The following ADK variants were observed in gnomAD, a reference collection of about 807,000 sequenced individuals.
ADK encodes the protein adenosine kinase.
Under a neutral mutation model 44.7 loss-of-function variants are expected in ADK, and 24 were observed. That is an observed-to-expected ratio of 0.54 (90% CI 0.39 to 0.76). ADK has a LOEUF of 0.76. Among genes scored for constraint, ADK ranks in the 30% least tolerant of loss-of-function variants. ADK has a pLI of 0.00. For missense variants in ADK, 321 were observed against 425.1 expected, an observed-to-expected ratio of 0.76 and a Z score of 2.15; for synonymous variants, 128 against 142.6, an observed-to-expected ratio of 0.90 and a Z score of 0.73.
chr10:74,231,046 A>G (rs1844742519), intron 3 of ADK, among the ~76,000 whole-genome samples: 1 of 152,136 alleles, frequency 6.6e-6, no homozygotes, highest in African/African-American at 2.4e-5. Flanking sequence ...GATCACAGAG[A>G]ACTCATTAGT....
At chr10:74,628,435 G>C (rs886769414) in intron 9 of ADK, among the ~76,000 whole-genome samples, 2 of 151,778 alleles carry the variant, frequency 1.3e-5, no homozygotes, top group Non-Finnish European at 2.9e-5. Context: ...TGCTTTGGTT[G>C]AATAGGAAAG....
chr10:74,691,693 A>C (rs1247262363), intron 10 of ADK, among the ~76,000 whole-genome samples: 1 of 85,254 alleles, frequency 1.2e-5, no homozygotes, highest in East Asian at 3.5e-4. Flanking sequence ...ACATACAACA[A>C]AGTAAGTTGA....
intron 7 of ADK, among the ~76,000 whole-genome samples, chr10:74,547,113 A>G (rs1199430176): frequency 6.6e-6 from 1 of 152,164 alleles, no homozygotes; most frequent in Non-Finnish European, 1.5e-5. Flanking sequence ...TTATAAGAAG[A>G]GTACAGAGTT....
chr10:74,401,149 T>A (rs1843693598), intron 6 of ADK, among the ~76,000 whole-genome samples: 1 of 152,242 alleles, frequency 6.6e-6, no homozygotes, highest in Non-Finnish European at 1.5e-5. Flanking sequence ...CTACTGGCTA[T>A]GGTGACTAGG....
intron 6 of ADK, among the ~76,000 whole-genome samples, chr10:74,488,385 G>C (rs1485485534): frequency 6.6e-6 from 1 of 150,966 alleles, no homozygotes; most frequent in Non-Finnish European, 1.5e-5. Flanking sequence ...GTGTGTGTGT[G>C]TGTGTGTGTG....
At chr10:74,321,967 C>T (rs1422250307) in intron 4 of ADK, among the ~76,000 whole-genome samples, 1 of 151,988 alleles carries the variant, frequency 6.6e-6, no homozygotes, top group Non-Finnish European at 1.5e-5. Flanking sequence ...CAAGAACTAC[C>T]AATTAGTGTA....
intron 3 of ADK, among the ~76,000 whole-genome samples, chr10:74,284,619 A>G (rs1847089319): frequency 1.3e-5 from 2 of 152,142 alleles, no homozygotes; most frequent in Non-Finnish European, 2.9e-5. Context: ...TGTTTCTTCT[A>G]TCCCAACAGC....
At chr10:74,380,142 T>A (rs1465711736) in intron 4 of ADK, among the ~76,000 whole-genome samples, 2 of 152,240 alleles carry the variant, frequency 1.3e-5, no homozygotes, top group Non-Finnish European at 2.9e-5. Flanking sequence ...GTAATGTTTT[T>A]GTTTGCTATG....
chr10:74,385,142 T>C (rs921941154), intron 4 of ADK, among the ~76,000 whole-genome samples: 11 of 152,222 alleles, frequency 7.2e-5, no homozygotes, highest in Non-Finnish European at 1.5e-4. Context: ...AACTGAATTG[T>C]ATATTTTAAA....
At chr10:74,386,868 T>C (rs1480580637) in intron 4 of ADK, among the ~76,000 whole-genome samples, 2 of 152,096 alleles carry the variant, frequency 1.3e-5, no homozygotes, top group Non-Finnish European at 2.9e-5. Flanking sequence ...GTCTTCAGGG[T>C]ATTTCAAAAT....
chr10:74,385,438 C>A (rs1051733655), intron 4 of ADK, among the ~76,000 whole-genome samples: 1 of 151,926 alleles, frequency 6.6e-6, no homozygotes, highest in Admixed American at 6.6e-5. Flanking sequence ...AAAGTATATA[C>A]GGTAAGAATT....
In ADK at chr10:74,673,533, G is replaced by A. The variant is rs567913958; in HGVS notation, c.964+3264G>A. Among the ~76,000 whole-genome samples the A allele has an allele frequency of 1.6e-4, 24 of 152,288 alleles. No individual in the cohort carries two copies. The South Asian group carries it at 1.9e-3, about 12-fold the overall frequency. On this transcript the variant is annotated intron_variant, in intron 10 of 10. Transcript: ENST00000539909. ...AGCGCTTTTGGGCACTGGTAAGAGCGAACTCCATACCAGACCAGTGGCAGC... is the reference window on the plus strand; with the variant it reads ...AGCGCTTTTGGGCACTGGTAAGAGCAAACTCCATACCAGACCAGTGGCAGC...
intron 1 of ADK, chr10:74,174,551 T>A (rs1842264678): frequency 6.6e-6 from 1 of 152,190 alleles, no homozygotes; most frequent in Non-Finnish European, 1.5e-5. Context: ...TTTGTATGCA[T>A]GTTAAAGTTT....
At chr10:74,351,414 A>G (rs1423346099) in intron 4 of ADK, among the ~76,000 whole-genome samples, 2 of 152,170 alleles carry the variant, frequency 1.3e-5, no homozygotes, top group East Asian at 3.8e-4. Flanking sequence ...TTGATGGAAC[A>G]TATCTCAAAA....
chr10:74,282,572 C>T (rs115411530), intron 3 of ADK, among the ~76,000 whole-genome samples: 1,693 of 152,174 alleles, frequency 0.011, 32 homozygotes, highest in African/African-American at 0.039. Flanking sequence ...GATTTAACTA[C>T]TTTAATAAGA....
rs796332832 is a variant in ADK, at chr10:74,665,783, C to G, written c.878-4400C>G. ...AGAGAGAGAGAGAGAGAGAGAGAGA[C>G]AGACAGACAGAAGGAAAATGAAGAA... On this transcript the variant is annotated intron_variant, in intron 9 of 10. Transcript: ENST00000539909. 2.9e-3 allele frequency among the ~76,000 whole-genome samples: 316 copies of G among 107,302 alleles called. 1 individual carries two copies. Among genetic ancestry groups the G allele is most frequent in the African/African-American group, 8.6e-3 (232 of 27,032 alleles). 70.4% of individuals were successfully genotyped at this position (107,302 alleles called of 152,430 possible).
At chr10:74,316,965 G>T (rs1222648940) in intron 4 of ADK, among the ~76,000 whole-genome samples, 1 of 151,868 alleles carries the variant, frequency 6.6e-6, no homozygotes, top group Non-Finnish European at 1.5e-5. Context: ...CCTGTCTTTA[G>T]CAAGGTAATA....
intron 6 of ADK, among the ~76,000 whole-genome samples, chr10:74,460,594 A>G (rs1170269357): frequency 6.6e-6 from 1 of 152,202 alleles, no homozygotes; most frequent in Non-Finnish European, 1.5e-5. Context: ...TTATGATTTT[A>G]TATTCAATGT....
intron 3 of ADK, among the ~76,000 whole-genome samples, chr10:74,251,894 CTTTTTT>C (rs566363104): frequency 1.8e-3 from 175 of 99,384 alleles, no homozygotes; most frequent in Non-Finnish European, 2.4e-3. Flanking sequence ...GTGGCAGATA[CTTTTTT>C]TTTTTTTTTT....
Sources: allele counts gnomAD v4.1 joint callset (sites outside exome capture counted in the v4.1 genomes callset), GRCh38; gene constraint gnomAD v4.1.1; transcripts MANE v1.5; gene names NCBI Gene and HGNC (gene_info 2026-07-23, HGNC 2026-07-21).